The following DET1 variants were observed in gnomAD, a reference collection of about 807,000 sequenced individuals.
DET1 encodes DET1 partner of COP1 E3 ubiquitin ligase, also known as DET1 homolog.
In DET1, 22 loss-of-function variants were observed where a neutral mutation model predicts 43.7. The observed-to-expected ratio is 0.50, with a 90% CI of 0.36 to 0.72. DET1 has a LOEUF of 0.72. DET1 is among the 30% of genes least tolerant of loss of function. The probability of loss-of-function intolerance (pLI) is 0.00; values close to 1 mark genes in which losing one functional copy is unlikely to be tolerated. For missense variants in DET1, 713 were observed against 713.3 expected (o/e 1.00, Z 0.00); for synonymous variants, 315 against 266.2 (o/e 1.18, Z -1.79).
rs369162477 is a variant in DET1, at chr15:88,531,034, C to T, written c.672G>A (p.Leu224=). 119 of 1,613,226 alleles carry T rather than the reference C, an allele frequency of 7.4e-5. No homozygotes were observed. The highest frequency in any genetic ancestry group is 1.0e-4 in the Non-Finnish European group (118 of 1,179,578). ...VVLSHNQGLY[L]YKNILAILSV... ...ACAAGATGGCCAGGATGTTTTTGTA[C>T]AAGTACAGCCCTTGGTTGTGTGACA... Residue 224 remains leucine (L), a synonymous_variant, in exon 2 of 5, where the codon TTG becomes TTA. Coordinates refer to ENST00000268148, the MANE Select transcript of DET1 (RefSeq NM_001144074.3). The surrounding 1 kb of genome is among the most constrained non-coding windows in gnomAD (Gnocchi z 6.2).
intron 3 of DET1, among the ~76,000 whole-genome samples, chr15:88,522,527 T>TTTTTTTTTTTTTTG (rs2056524169): frequency 6.8e-6 from 1 of 146,850 alleles, no homozygotes. Context: ...TTTTTTTTTT[T>TTTTTTTTTTTTTTG]GAGTTGGAGT....
At chr15:88,519,588 C>G (rs560258681) in intron 3 of DET1, among the ~76,000 whole-genome samples, 14 of 152,350 alleles carry the variant, frequency 9.2e-5, no homozygotes, top group African/African-American at 3.1e-4. Flanking sequence ...ATTCTACCAA[C>G]TTCTTCCCAT....
downstream of DET1, among the ~76,000 whole-genome samples, chr15:88,509,242 CT>C (rs1353780621): frequency 6.6e-6 from 1 of 152,138 alleles, no homozygotes; most frequent in African/African-American, 2.4e-5. Flanking sequence ...CCTTGAATTC[CT>C]GGGTTCAAGC....
intron 1 of DET1, among the ~76,000 whole-genome samples, chr15:88,540,829 A>AG (rs1305135195): frequency 7.4e-6 from 1 of 134,758 alleles, no homozygotes; most frequent in Non-Finnish European, 1.5e-5. Context: ...TCAAGTACCC[A>AG]GGGACACAAA....
chr15:88,515,174 G>A (rs913233836), intron 4 of DET1, among the ~76,000 whole-genome samples: 1 of 152,094 alleles, frequency 6.6e-6, no homozygotes, highest in Non-Finnish European at 1.5e-5. Flanking sequence ...GAGAATGCTA[G>A]AGGAAAAACA....
chr15:88,537,692 A>G (rs553759794), intron 1 of DET1, among the ~76,000 whole-genome samples: 48 of 152,350 alleles, frequency 3.2e-4, no homozygotes, highest in African/African-American at 1.1e-3. Flanking sequence ...TGCTCATCAC[A>G]GTGTTTGACA....
At chr15:88,539,971 T>C (rs1288477881) in intron 1 of DET1, among the ~76,000 whole-genome samples, 1 of 151,956 alleles carries the variant, frequency 6.6e-6, no homozygotes, top group South Asian at 2.1e-4. Flanking sequence ...ACACCTGTCA[T>C]GCTTTACTTC....
chr15:88,545,444 G>A (rs938409060), intron 1 of DET1, among the ~76,000 whole-genome samples: 3 of 152,024 alleles, frequency 2.0e-5, no homozygotes, highest in African/African-American at 4.8e-5. Flanking sequence ...CAAAAAGTTC[G>A]AGAATATCTA....
chr15:88,531,544 G>A lies in DET1; in HGVS notation c.162C>T (p.Asn54=), dbSNP rs374233271. 7.1e-5 allele frequency: 114 copies of A among 1,614,018 alleles called. No individual in the cohort carries two copies. The highest frequency in any genetic ancestry group is 3.1e-4 in the South Asian group (28 of 91,078). ...QNVFPNFTVV[N]VEKPPCFLRK... is the part of the protein sequence containing the mutation. ...GCAAGAAACAAGGAGGCTTTTCAAC[G>A]TTGACAACTGTGAAGTTGGGGAAGA... Residue 54 remains asparagine (N), a synonymous_variant, in exon 2 of 5, where the codon AAC becomes AAT. Coordinates refer to ENST00000268148, the MANE Select transcript of DET1 (RefSeq NM_001144074.3). This position sits in a 1 kb window ranked among gnomAD's most constrained non-coding sequence, Gnocchi z 6.2.
At chr15:88,534,481 A>G (rs1308894156) in intron 1 of DET1, among the ~76,000 whole-genome samples, 1 of 152,210 alleles carries the variant, frequency 6.6e-6, no homozygotes, top group African/African-American at 2.4e-5. Flanking sequence ...GGATAATTAA[A>G]GCCCCAATTT....
At position 88,531,045 on chromosome 15, in the gene DET1, CT is replaced by C; in HGVS notation, c.660del (p.Leu222CysfsTer23). 6.2e-7 allele frequency: 1 copy of C among 1,613,732 alleles called. No homozygotes were observed. Among genetic ancestry groups the C allele is most frequent in the Non-Finnish European group, 8.5e-7 (1 of 1,179,760 alleles). On this transcript the variant is annotated frameshift_variant, in exon 2 of 5. Transcript: ENST00000268148. LOFTEE classifies it high-confidence loss of function. This position sits in a 1 kb window ranked among gnomAD's most constrained non-coding sequence, Gnocchi z 6.2. ...KCDKVVLSHN[Q>X]GLYLYKNILA... ...AGGATGTTTTTGTACAAGTACAGCCCTTGGTTGTGTGACAAGACCACCTTGT... is the reference window on the plus strand; with the variant it reads ...AGGATGTTTTTGTACAAGTACAGCCCTGGTTGTGTGACAAGACCACCTTGT...
intron 1 of DET1, among the ~76,000 whole-genome samples, chr15:88,543,680 C>G (rs1295018021): frequency 1.3e-5 from 2 of 152,182 alleles, no homozygotes; most frequent in African/African-American, 4.8e-5. Context: ...GTGCAAAAAG[C>G]TAAATTGATC....
At chr15:88,518,018 C>A (rs1015799174) in intron 3 of DET1, among the ~76,000 whole-genome samples, 10 of 152,190 alleles carry the variant, frequency 6.6e-5, no homozygotes, top group African/African-American at 2.4e-4. Flanking sequence ...CTTACTGCAA[C>A]CTCCACCTCT....
rs1407418701 is a variant in DET1, at chr15:88,516,258, T to G, written c.1463+524A>C. Among the ~76,000 whole-genome samples the G allele has an allele frequency of 1.3e-5, 2 of 152,210 alleles. No homozygotes were observed. Among genetic ancestry groups the G allele is most frequent in the Admixed American group, 6.5e-5 (1 of 15,286 alleles). ...TGACAGTTGGGTCTGTGAACTAGACTTCTGTGAGGAAAGAATTTCTTGTAA... is the reference window on the plus strand; with the variant it reads ...TGACAGTTGGGTCTGTGAACTAGACGTCTGTGAGGAAAGAATTTCTTGTAA... On this transcript the variant is annotated intron_variant, in intron 4 of 4. Transcript: ENST00000268148. This position sits in a 1 kb window ranked among gnomAD's most constrained non-coding sequence, Gnocchi z 4.4.
At position 88,512,952 on chromosome 15, in the gene DET1, T is replaced by C. The variant is rs1247224673; in HGVS notation, c.1652A>G (p.Ter551TrpextTer84). 1 of 1,613,174 alleles carries C rather than the reference T, an allele frequency of 6.2e-7. No homozygotes were observed. Among genetic ancestry groups the C allele is most frequent in the Non-Finnish European group, 8.5e-7 (1 of 1,179,256 alleles). ...VNFHMRHCCT* is the reference protein window; with the variant it reads ...VNFHMRHCCTW ...GATAATCTGGCTCTGGTGAGGCACC[T>C]ACGTGCAGCAGTGTCGCATATGGAA... Residue 551 changes from the stop codon to tryptophan, a stop_lost, in exon 5 of 5, where the codon TAG becomes TGG. Coordinates refer to ENST00000268148, the MANE Select transcript of DET1 (RefSeq NM_001144074.3).
At chr15:88,511,946 C>T (rs1212962304), downstream of DET1, among the ~76,000 whole-genome samples, 1 of 152,116 alleles carries the variant, frequency 6.6e-6, no homozygotes, top group Admixed American at 6.6e-5. Flanking sequence ...ACTAAACAAG[C>T]CTACTACACT....
intron 1 of DET1, among the ~76,000 whole-genome samples, chr15:88,535,612 C>T (rs1341795426): frequency 4.0e-5 from 6 of 151,896 alleles, no homozygotes; most frequent in Admixed American, 2.6e-4. Flanking sequence ...AAAAAGTAGC[C>T]GGGCACAGTG....
In DET1 at chr15:88,531,751, A is replaced by G. The variant is rs373702094; in HGVS notation, c.-10-36T>C. The G allele has an allele frequency of 2.9e-4, 454 of 1,554,476 alleles. 5 individuals carry two copies. In the South Asian group the frequency reaches 3.3e-3, roughly 11 times the overall value. The stretch of plus-strand genomic sequence containing the variant: ...AAGTAAAGCAGAAGTCAAGAAAGTG[A>G]AACAGAATTTACCAAAATATAAATA... On this transcript the variant is annotated intron_variant, in intron 1 of 4. Coordinates refer to ENST00000268148, the MANE Select transcript of DET1 (RefSeq NM_001144074.3). This position sits in a 1 kb window ranked among gnomAD's most constrained non-coding sequence, Gnocchi z 6.2.
chr15:88,536,397 G>C, intron 1 of DET1: 2 of 748,192 alleles, frequency 2.7e-6, no homozygotes, highest in South Asian at 1.4e-5. Flanking sequence ...AGAAGGGACA[G>C]TTAAGCGCTC....
Sources: gnomAD v4.1 joint callset for allele counts (sites outside exome capture counted in the v4.1 genomes callset) on GRCh38, gnomAD v4.1.1 for gene constraint, Gnocchi (gnomAD v3.1) non-coding constraint, MANE v1.5 for transcripts, NCBI Gene and HGNC (gene_info 2026-07-23, HGNC 2026-07-21) for gene names.